The following PRH1 variants were observed in gnomAD, a reference collection of about 807,000 sequenced individuals.
The protein encoded by PRH1 is salivary acidic proline-rich phosphoprotein 1/2.
In PRH1, 7 loss-of-function variants were observed where a neutral mutation model predicts 7.9. The observed-to-expected ratio is 0.89, with a 90% CI of 0.50 to 1.67. The LOEUF is 1.67. Among genes scored for constraint, PRH1 ranks in the 40% most tolerant of loss-of-function variants. The pLI, the probability that PRH1 is intolerant of heterozygous loss-of-function variation, is 0.00. For missense variants in PRH1, 109 were observed against 223.6 expected (o/e 0.49, Z 3.27); for synonymous variants, 45 against 80.8 (o/e 0.56, Z 2.38).
At chr12:11,015,573 GAACT>G (rs1443540336) in intron 1 of PRH1, among the ~76,000 whole-genome samples, 2 of 152,108 alleles carry the variant, frequency 1.3e-5, no homozygotes, top group Non-Finnish European at 2.9e-5. Context: ...AACAGAGCCT[GAACT>G]AACAGTAATA....
intron 1 of PRH1, among the ~76,000 whole-genome samples, chr12:11,037,426 T>G (rs1262819472): frequency 6.6e-6 from 1 of 152,244 alleles, no homozygotes; most frequent in Non-Finnish European, 1.5e-5. Flanking sequence ...AAATTTATAG[T>G]AACAAAATAT....
At chr12:11,074,391 G>A (rs1944211790) in intron 1 of PRH1, among the ~76,000 whole-genome samples, 1 of 146,042 alleles carries the variant, frequency 6.8e-6, no homozygotes, top group African/African-American at 2.5e-5. Context: ...GTGGCCACCT[G>A]AGCATCCTCT....
At position 11,128,616 on chromosome 12, in the gene PRH1, C is replaced by G. The variant is rs559986860; in HGVS notation, n.40-7436G>C. Among the ~76,000 whole-genome samples, 3 of 148,758 alleles carry G rather than the reference C, an allele frequency of 2.0e-5. No homozygotes were observed. The East Asian group carries it at 6.1e-4, about 30-fold the overall frequency. On this transcript the variant is annotated intron_variant and non_coding_transcript_variant, in intron 1 of 1. Transcript: ENST00000541175. ...AAAAATTAGCCAGGTGGTGGTGGCA[C>G]GCACCTATAATCCGAGCCACTCGGT...
At chr12:11,043,067 T>A (rs890133018) in intron 1 of PRH1, among the ~76,000 whole-genome samples, 1 of 152,188 alleles carries the variant, frequency 6.6e-6, no homozygotes, top group Non-Finnish European at 1.5e-5. Context: ...TCAAATTAAA[T>A]AATACATTAA....
upstream of PRH1, among the ~76,000 whole-genome samples, chr12:11,050,683 G>T (rs75285008): frequency 2.1e-4 from 4 of 19,240 alleles, no homozygotes; most frequent in Non-Finnish European, 9.9e-4. Flanking sequence ...TTCTAAGTAC[G>T]CTACACTTTG....
intron 1 of PRH1, among the ~76,000 whole-genome samples, chr12:11,006,515 TG>T (rs1940842048): frequency 6.6e-6 from 1 of 151,770 alleles, no homozygotes. Flanking sequence ...GCCAAGTAAC[TG>T]GAACTACAGG....
At chr12:11,125,786 A>C (rs531983711) in intron 1 of PRH1, among the ~76,000 whole-genome samples, 1 of 150,608 alleles carries the variant, frequency 6.6e-6, no homozygotes, top group South Asian at 2.1e-4. Flanking sequence ...ATAAGAAAAA[A>C]AGGTGTCTAG....
At chr12:11,083,659 A>G (rs1403238767) in intron 1 of PRH1, among the ~76,000 whole-genome samples, 2 of 152,232 alleles carry the variant, frequency 1.3e-5, no homozygotes, top group Admixed American at 6.5e-5. Flanking sequence ...CACTCTCCAT[A>G]TACGCCTTCT....
intron 1 of PRH1, among the ~76,000 whole-genome samples, chr12:10,987,284 A>G (rs1444062153): frequency 3.3e-5 from 5 of 152,076 alleles, no homozygotes; most frequent in Non-Finnish European, 7.4e-5. Context: ...GGGAAATTTT[A>G]CCCCCGAGTC....
At chr12:10,883,621 A>T (rs949407835) in intron 1 of PRH1, among the ~76,000 whole-genome samples, 1 of 152,216 alleles carries the variant, frequency 6.6e-6, no homozygotes, top group East Asian at 1.9e-4. Context: ...AATCTTACGC[A>T]TGCCATTCCC....
rs367826465 is a variant in PRH1, at chr12:11,062,084, A to G, written n.124-14896T>C. On this transcript the variant is annotated intron_variant and non_coding_transcript_variant, in intron 1 of 4. Transcript: ENST00000541977. Reference sequence around the variant, plus strand: ...TCTATACTGTTAAAAGCTGGATTCAACTCAGTTGCATACCAATTTAATACT... The same window carrying G: ...TCTATACTGTTAAAAGCTGGATTCAGCTCAGTTGCATACCAATTTAATACT... 13 of 1,613,594 alleles carry G rather than the reference A, an allele frequency of 8.1e-6. No homozygotes were observed. The African/African-American group carries it at 1.5e-4, about 18-fold the overall frequency.
rs549005799 is a variant in PRH1, at chr12:10,890,812, G to C, written c.-58-6537C>G. 2.0e-5 allele frequency among the ~76,000 whole-genome samples: 3 copies of C among 151,744 alleles called. No homozygotes were observed. In the East Asian group the frequency reaches 5.8e-4, roughly 30 times the overall value. The stretch of plus-strand genomic sequence containing the variant: ...GGAAAAGAAGGGAAGGAAAGAGGAG[G>C]GGATGGGAGGGGAGGGGAGGGTTGG... On this transcript the variant is annotated intron_variant, in intron 2 of 3. Coordinates refer to the PRH1 transcript ENST00000539853.
intron 1 of PRH1, chr12:11,077,688 G>C (rs1365139464): frequency 2.7e-6 from 3 of 1,112,744 alleles, no homozygotes; most frequent in Non-Finnish European, 3.8e-6. Context: ...TGAAGGGTAT[G>C]AGGTTTGCTA....
chr12:11,161,975 T>C (rs1293953941), intron 1 of PRH1, among the ~76,000 whole-genome samples: 3 of 152,208 alleles, frequency 2.0e-5, no homozygotes, highest in African/African-American at 4.8e-5. Context: ...GCTGAGGATA[T>C]TGCATTTGTC....
At chr12:11,131,093 G>A (rs113467751) in intron 1 of PRH1, among the ~76,000 whole-genome samples, 5,977 of 151,560 alleles carry the variant, frequency 0.039, 183 homozygotes, top group South Asian at 0.12. Flanking sequence ...ACTGGATGAT[G>A]TAAGACAGAA....
Position 10,930,696 on chromosome 12 carries a change from G to A in PRH1, c.-59+42959C>T, listed in dbSNP as rs139004774. 150 of 1,613,870 alleles carry A rather than the reference G, an allele frequency of 9.3e-5. No individual in the cohort carries two copies. The African/African-American group carries it at 1.7e-3, about 19-fold the overall frequency. On this transcript the variant is annotated intron_variant, in intron 2 of 3. Transcript: ENST00000539853. ...ACTCTGAGCAGTTCATAGATGAGGA[G>A]CGTCAGGGACCACCTTTGGGAGGAC...
intron 1 of PRH1, among the ~76,000 whole-genome samples, chr12:11,016,337 A>AT (rs1941290641): frequency 1.3e-5 from 2 of 152,154 alleles, no homozygotes; most frequent in South Asian, 4.1e-4. Context: ...GAATAAATTC[A>AT]TTACTTTTGT....
intron 1 of PRH1, among the ~76,000 whole-genome samples, chr12:11,157,106 A>C (rs1464032047): frequency 6.6e-6 from 1 of 152,178 alleles, no homozygotes; most frequent in Non-Finnish European, 1.5e-5. Flanking sequence ...GCAGCCTCCC[A>C]AAGTGCTGGG....
chr12:10,992,597 C>G (rs1939991279), intron 1 of PRH1, among the ~76,000 whole-genome samples: 1 of 152,108 alleles, frequency 6.6e-6, no homozygotes. Flanking sequence ...TTTTCTTTAA[C>G]AAACAGGGTC....
Sources: gnomAD v4.1 joint callset for allele counts (sites outside exome capture counted in the v4.1 genomes callset) on GRCh38, gnomAD v4.1.1 for gene constraint, MANE v1.5 for transcripts, NCBI Gene and HGNC (gene_info 2026-07-23, HGNC 2026-07-21) for gene names.